Variants in MEGF11 observed in about 807,000 individuals in gnomAD.
MEGF11 encodes the protein multiple epidermal growth factor-like domains protein 11.
Under a neutral mutation model 146.6 loss-of-function variants are expected in MEGF11, and 126 were observed. The observed-to-expected ratio is 0.86, with a 90% CI of 0.74 to 1.00. The LOEUF (loss-of-function observed/expected upper bound fraction) is 1.00. Among genes scored for constraint, MEGF11 ranks in the 50% least tolerant of loss-of-function variants. The pLI, the probability that MEGF11 is intolerant of heterozygous loss-of-function variation, is 0.00. For synonymous variants in MEGF11, 532 were observed against 583.4 expected (o/e 0.91, Z 1.27); for missense variants, 1,509 against 1,521.2 (o/e 0.99, Z 0.13).
intron 5 of MEGF11, among the ~76,000 whole-genome samples, chr15:66,040,884 A>G (rs994762489): frequency 2.7e-5 from 4 of 150,128 alleles, no homozygotes; most frequent in African/African-American, 4.9e-5. Context: ...CTGCCCTACT[A>G]TAGATTCGTA....
At chr15:66,079,544 C>CG (rs199791838) in intron 5 of MEGF11, among the ~76,000 whole-genome samples, 13,566 of 143,600 alleles carry the variant, frequency 0.094, 846 homozygotes, top group Middle Eastern at 0.16. Flanking sequence ...CACACCCCCC[C>CG]CCCCAGCACC....
intron 5 of MEGF11, among the ~76,000 whole-genome samples, chr15:66,014,038 A>G (rs1319134980): frequency 2.0e-5 from 3 of 152,164 alleles, no homozygotes; most frequent in East Asian, 1.9e-4. Flanking sequence ...TCTGATTACA[A>G]TGGGTTTGAG....
intron 1 of MEGF11, among the ~76,000 whole-genome samples, chr15:66,129,032 G>A (rs1327706517): frequency 6.6e-6 from 1 of 152,204 alleles, no homozygotes; most frequent in African/African-American, 2.4e-5. Context: ...CATTCCCACT[G>A]AGGGATGCCA....
rs989060495 is a variant in MEGF11 at position 65,982,758 on chromosome 15, C to A, written c.395-270G>T. 6.6e-6 allele frequency among the ~76,000 whole-genome samples: 1 copy of A among 152,200 alleles called. No individual in the cohort carries two copies. The highest frequency in any genetic ancestry group is 2.4e-5 in the African/African-American group (1 of 41,452). ...TACCTCCTGGTCCGGCCATTCTCTT[C>A]CAACCAAATGGCTGCCCTAAGCCCC... is the stretch of plus-strand genomic sequence containing the variant. On this transcript the variant is annotated intron_variant, in intron 5 of 25. Transcript: ENST00000395614. The surrounding 1 kb of genome is among the most constrained non-coding windows in gnomAD (Gnocchi z 5.6).
chr15:66,222,197 A>G (rs751422477), intron 1 of MEGF11, among the ~76,000 whole-genome samples: 7 of 151,708 alleles, frequency 4.6e-5, no homozygotes, highest in African/African-American at 7.3e-5. Flanking sequence ...AGCGTCCCCA[A>G]CTCTGTGACC....
At chr15:65,925,633 A>G (rs2079346001) in intron 13 of MEGF11, among the ~76,000 whole-genome samples, 1 of 152,158 alleles carries the variant, frequency 6.6e-6, no homozygotes. Flanking sequence ...TTGGATAGGG[A>G]TAGTCCCCCT....
At chr15:66,153,508 G>C (rs1304821988) in intron 1 of MEGF11, among the ~76,000 whole-genome samples, 1 of 152,108 alleles carries the variant, frequency 6.6e-6, no homozygotes, top group African/African-American at 2.4e-5. Flanking sequence ...GGGAGGCAGA[G>C]GTTGCAGTGA....
At chr15:66,019,730 C>T (rs1640758519) in intron 5 of MEGF11, among the ~76,000 whole-genome samples, 1 of 152,232 alleles carries the variant, frequency 6.6e-6, no homozygotes, top group African/African-American at 2.4e-5. Context: ...CTCGCTGAGC[C>T]TCTGTTTCTT....
intron 12 of MEGF11, 66 bp downstream of exon 12, chr15:65,929,654 T>A: frequency 6.6e-7 from 1 of 1,504,740 alleles, no homozygotes; most frequent in Non-Finnish European, 8.9e-7. Flanking sequence ...GTGGACGAAC[T>A]AACACCAGGG....
At chr15:66,025,382 C>T (rs887157464) in intron 5 of MEGF11, among the ~76,000 whole-genome samples, 2 of 151,978 alleles carry the variant, frequency 1.3e-5, no homozygotes, top group Admixed American at 6.5e-5. Context: ...CCTCAGTCAG[C>T]CTGAGGCAGG....
intron 1 of MEGF11, among the ~76,000 whole-genome samples, chr15:66,214,986 G>A (rs1403799806): frequency 7.2e-5 from 11 of 152,184 alleles, no homozygotes. Context: ...GGCAAGGGCT[G>A]AGGAGCAGGA....
chr15:66,178,247 A>G (rs764385985), intron 1 of MEGF11, among the ~76,000 whole-genome samples: 3 of 152,086 alleles, frequency 2.0e-5, no homozygotes, highest in African/African-American at 7.2e-5. Context: ...CGGCTTCCCA[A>G]AGTGCTATGA....
Position 66,037,511 on chromosome 15 carries a change from G to A in MEGF11, c.395-55023C>T, listed in dbSNP as rs187872505. Among the ~76,000 whole-genome samples, 114 of 152,322 alleles carry A rather than the reference G, an allele frequency of 7.5e-4. 1 individual carries two copies. The highest frequency in any genetic ancestry group is 2.7e-3 in the African/African-American group (111 of 41,580). On this transcript the variant is annotated intron_variant, in intron 5 of 25. Coordinates refer to ENST00000395614, the MANE Select transcript of MEGF11 (RefSeq NM_001385028.1). ...ATGAGGGCAAAAGCAGTAATCATGT[G>A]TAGGTCCATAGAGAAGCACCTGGCA...
At chr15:66,003,297 G>A (rs953385211) in intron 5 of MEGF11, among the ~76,000 whole-genome samples, 2 of 152,220 alleles carry the variant, frequency 1.3e-5, no homozygotes, top group Admixed American at 6.5e-5. Flanking sequence ...CCTGGCCCAG[G>A]GCTGTTTCTA....
intron 1 of MEGF11, among the ~76,000 whole-genome samples, chr15:66,162,883 T>C (rs1336307685): frequency 6.6e-6 from 1 of 152,208 alleles, no homozygotes; most frequent in Admixed American, 6.5e-5. Context: ...TTGAATTACT[T>C]CTCAGGTGGA....
At chr15:65,922,609 C>T in intron 14 of MEGF11, 137 bp from the exon 15 acceptor site, 1 of 1,354,006 alleles carries the variant, frequency 7.4e-7, no homozygotes. Flanking sequence ...TCCCTTTCTG[C>T]AGAGAAGAGC....
At chr15:66,159,073 T>C (rs116457833) in intron 1 of MEGF11, among the ~76,000 whole-genome samples, 89 of 152,352 alleles carry the variant, frequency 5.8e-4, no homozygotes, top group African/African-American at 2.1e-3. Context: ...TGAACTTAGC[T>C]TGAGTAATAA....
At chr15:66,104,616 C>T (rs2086978771) in intron 4 of MEGF11, among the ~76,000 whole-genome samples, 1 of 152,184 alleles carries the variant, frequency 6.6e-6, no homozygotes, top group South Asian at 2.1e-4. Context: ...ATGAGAAAAA[C>T]CTCTGCTCTA....
chr15:65,900,010 C>T (rs548375416), intron 24 of MEGF11, among the ~76,000 whole-genome samples: 1 of 152,130 alleles, frequency 6.6e-6, no homozygotes, highest in Non-Finnish European at 1.5e-5. Context: ...GTACCATTCT[C>T]TGTTTGGGGA....
Sources: gnomAD v4.1 joint callset for allele counts (sites outside exome capture counted in the v4.1 genomes callset) on GRCh38, gnomAD v4.1.1 for gene constraint, Gnocchi (gnomAD v3.1) non-coding constraint, MANE v1.5 for transcripts, NCBI Gene and HGNC (gene_info 2026-07-23, HGNC 2026-07-21) for gene names.